EBF1: variants seen among roughly 807,000 people sequenced by gnomAD.
EBF1 encodes the protein transcription factor COE1.
A neutral mutation model predicts 68.4 loss-of-function variants in EBF1; 10 were observed. The observed-to-expected ratio is 0.15, with a 90% CI of 0.09 to 0.25. EBF1 has a LOEUF of 0.25. Ranked by LOEUF, EBF1 falls within the 10% of genes least tolerant of loss-of-function variation. The pLI is 1.00. For missense variants in EBF1, 509 were observed against 794.4 expected, an observed-to-expected ratio of 0.64 and a Z score of 4.32; for synonymous variants, 298 against 299.8, an observed-to-expected ratio of 0.99 and a Z score of 0.06.
intron 6 of EBF1, among the ~76,000 whole-genome samples, chr5:158,857,896 T>G (rs1044736676): frequency 5.3e-5 from 8 of 152,206 alleles, no homozygotes; most frequent in Admixed American, 1.3e-4. Flanking sequence ...TCATTTACTC[T>G]GCAAAATCAC....
intron 7 of EBF1, among the ~76,000 whole-genome samples, chr5:158,829,340 C>CTT (rs756188252): frequency 6.5e-4 from 91 of 139,702 alleles, no homozygotes; most frequent in African/African-American, 2.1e-3. Context: ...CACACTCAGC[C>CTT]TTTTTTTTTT....
chr5:158,699,237 A>C, intron 15 of EBF1, 95 bp from the exon 16 acceptor site: 1 of 1,258,954 alleles, frequency 7.9e-7, no homozygotes, highest in Non-Finnish European at 1.1e-6. Flanking sequence ...ACACCCACAC[A>C]CAACTATGTT....
At chr5:158,857,837 A>G (rs908224351) in intron 6 of EBF1, among the ~76,000 whole-genome samples, 1 of 152,194 alleles carries the variant, frequency 6.6e-6, no homozygotes, top group Non-Finnish European at 1.5e-5. Flanking sequence ...AGAGTACTTT[A>G]TTATCACATT....
intron 5 of EBF1, among the ~76,000 whole-genome samples, chr5:159,079,451 A>G (rs1246327656): frequency 2.0e-5 from 3 of 152,146 alleles, no homozygotes; most frequent in Non-Finnish European, 4.4e-5. Flanking sequence ...TTTCAACCAC[A>G]TAATACGGGC....
chr5:159,044,050 T>A (rs895923509), intron 6 of EBF1, among the ~76,000 whole-genome samples: 4 of 152,032 alleles, frequency 2.6e-5, no homozygotes, highest in African/African-American at 9.7e-5. Flanking sequence ...TTTATACAAT[T>A]CCCCCAGGGA....
intron 6 of EBF1, among the ~76,000 whole-genome samples, chr5:158,871,380 C>T (rs1298587009): frequency 6.6e-6 from 1 of 152,196 alleles, no homozygotes; most frequent in East Asian, 1.9e-4. Flanking sequence ...GTTCTAGACA[C>T]ATTTGGGCTC....
chr5:158,760,312 G>A (rs1771129441), intron 10 of EBF1, among the ~76,000 whole-genome samples: 1 of 152,162 alleles, frequency 6.6e-6, no homozygotes, highest in Non-Finnish European at 1.5e-5. Flanking sequence ...CGTGGCATAA[G>A]TGTATTGTTT....
At chr5:159,042,167 G>T (rs1002540709) in intron 6 of EBF1, among the ~76,000 whole-genome samples, 1 of 152,168 alleles carries the variant, frequency 6.6e-6, no homozygotes, top group African/African-American at 2.4e-5. Flanking sequence ...ACACCTGCAG[G>T]TAGCCTACCT....
intron 6 of EBF1, among the ~76,000 whole-genome samples, chr5:158,939,997 G>C (rs183358540): frequency 3.3e-5 from 5 of 152,252 alleles, no homozygotes; most frequent in Admixed American, 2.0e-4. Context: ...CTCATTAAAG[G>C]CTTCACCCAG....
At chr5:158,796,210 C>T in intron 9 of EBF1, 135 bp downstream of exon 9, 1 of 989,158 alleles carries the variant, frequency 1.0e-6, no homozygotes, top group Non-Finnish European at 1.3e-6. Context: ...TCTAGTTTCC[C>T]CAAATTCTGT....
At chr5:158,792,547 A>G (rs1287589168) in intron 9 of EBF1, among the ~76,000 whole-genome samples, 1 of 152,220 alleles carries the variant, frequency 6.6e-6, no homozygotes, top group Non-Finnish European at 1.5e-5. Context: ...CTGCTAATCT[A>G]AAATGTTATC....
chr5:158,823,455 T>C (rs879819836), intron 7 of EBF1, 138 bp from the exon 8 acceptor site: 2 of 825,488 alleles, frequency 2.4e-6, no homozygotes, highest in Non-Finnish European at 3.7e-6. Flanking sequence ...GCTTATGCTG[T>C]ACAAGTCTAA....
intron 10 of EBF1, among the ~76,000 whole-genome samples, chr5:158,747,919 C>A (rs1261441358): frequency 1.3e-5 from 2 of 152,140 alleles, no homozygotes; most frequent in Admixed American, 1.3e-4. Context: ...CTAAGTTGCA[C>A]AGCAGTAAGA....
intron 6 of EBF1, among the ~76,000 whole-genome samples, chr5:158,860,882 G>A (rs139192941): frequency 2.9e-4 from 44 of 152,134 alleles, no homozygotes; most frequent in African/African-American, 1.1e-3. Flanking sequence ...GGTGAGCGTG[G>A]GCCTCTAACC....
At chr5:158,875,626 T>A (rs39880) in intron 6 of EBF1, among the ~76,000 whole-genome samples, 1,926 of 152,314 alleles carry the variant, frequency 0.013, 17 homozygotes, top group Non-Finnish European at 0.018. Flanking sequence ...AATGCCTAAG[T>A]TCTGAGCTGT....
intron 6 of EBF1, among the ~76,000 whole-genome samples, chr5:158,919,996 G>C (rs1280056712): frequency 6.6e-6 from 1 of 152,098 alleles, no homozygotes; most frequent in Admixed American, 6.5e-5. Flanking sequence ...TCTGAAAACT[G>C]TCTATAAATT....
intron 5 of EBF1, among the ~76,000 whole-genome samples, chr5:159,074,248 T>C (rs1243347903): frequency 2.6e-5 from 4 of 152,206 alleles, no homozygotes; most frequent in African/African-American, 7.2e-5. Context: ...AAATCTCCCC[T>C]GCCAGTTGTG....
chr5:158,722,588 C>A (rs1762154453), intron 11 of EBF1, among the ~76,000 whole-genome samples: 1 of 152,140 alleles, frequency 6.6e-6, no homozygotes, highest in African/African-American at 2.4e-5. Context: ...TATATAGATA[C>A]ATAAGGGAGG....
chr5:158,979,412 C>T (rs1265923354), intron 6 of EBF1, among the ~76,000 whole-genome samples: 1 of 152,124 alleles, frequency 6.6e-6, no homozygotes. Context: ...ACAATTTCCC[C>T]CTGTTGCAGT....
Sources: allele counts gnomAD v4.1 joint callset (sites outside exome capture counted in the v4.1 genomes callset), GRCh38; gene constraint gnomAD v4.1.1; transcripts MANE v1.5; gene names NCBI Gene and HGNC (gene_info 2026-07-23, HGNC 2026-07-21).